The following IL1RAPL2 variants were observed in gnomAD, a reference collection of about 807,000 sequenced individuals.
IL1RAPL2 encodes X-linked interleukin-1 receptor accessory protein-like 2.
IL1RAPL2 carries 3 observed loss-of-function variants against 44.1 expected under a neutral mutation model. The ratio of observed to expected loss-of-function variants is 0.07; its 90% CI spans 0.03 to 0.18. IL1RAPL2 has a LOEUF of 0.18. IL1RAPL2 is among the 10% of genes least tolerant of loss of function. IL1RAPL2 has a pLI of 1.00. For synonymous variants in IL1RAPL2, 181 were observed against 178.8 expected (o/e 1.01, Z -0.10); for missense variants, 391 against 496.4 (o/e 0.79, Z 2.02).
In IL1RAPL2 at chrX:105,352,276, C is replaced by G. The variant is rs1032275348; in HGVS notation, c.697+84735C>G. ...TTTACAAATCCATGAAATCCAAAAT[C>G]TGAAAGCTACTCATTTCATAAATGA... On this transcript the variant is annotated intron_variant, in intron 5 of 10. Transcript: ENST00000372582. Among the ~76,000 whole-genome samples, 5 of 111,295 alleles carry G rather than the reference C, an allele frequency of 4.5e-5. No individual in the cohort carries two copies. In the Admixed American group the frequency reaches 4.8e-4, roughly 11 times the overall value.
At chrX:105,747,638 G>A (rs2038561283) in intron 8 of IL1RAPL2, among the ~76,000 whole-genome samples, 1 of 107,289 alleles carries the variant, frequency 9.3e-6, no homozygotes, top group South Asian at 4.2e-4. Context: ...TATTGAGCCT[G>A]GCTAATTTCT....
At chrX:105,042,469 A>G (rs1698844333) in intron 2 of IL1RAPL2, among the ~76,000 whole-genome samples, 2 of 109,332 alleles carry the variant, frequency 1.8e-5, no homozygotes, top group African/African-American at 3.3e-5. Context: ...CAAAAGACAC[A>G]TGAAAAAATG....
intron 2 of IL1RAPL2, among the ~76,000 whole-genome samples, chrX:105,062,267 A>G (rs2032083954): frequency 9.0e-6 from 1 of 111,502 alleles, no homozygotes; most frequent in Admixed American, 9.5e-5. Context: ...TTAAGCTGAT[A>G]AAAACTTAAT....
At position 105,560,245 on chromosome X, in the gene IL1RAPL2, G is replaced by A. The variant is rs1265371596; in HGVS notation, c.772+75858G>A. Among the ~76,000 whole-genome samples the A allele has an allele frequency of 2.7e-5, 3 of 111,029 alleles. No homozygotes were observed. In the East Asian group the frequency reaches 8.6e-4, roughly 32 times the overall value. ...GTGAAGACTCTGTTGTTCTGAGCTA[G>A]GCCAACTTAGAAGCTCAAATAAGAT... On this transcript the variant is annotated intron_variant, in intron 6 of 10. Coordinates refer to ENST00000372582, the MANE Select transcript of IL1RAPL2 (RefSeq NM_017416.2).
intron 2 of IL1RAPL2, among the ~76,000 whole-genome samples, chrX:104,678,216 A>G (rs1321894413): frequency 8.9e-6 from 1 of 112,597 alleles, no homozygotes; most frequent in Non-Finnish European, 1.9e-5. Flanking sequence ...TGAACAGCCA[A>G]AGTACCTTCC....
chrX:105,368,789 T>G (rs2147716209), intron 5 of IL1RAPL2, among the ~76,000 whole-genome samples: 1 of 111,106 alleles, frequency 9.0e-6, no homozygotes, highest in African/African-American at 3.3e-5. Flanking sequence ...TGTTCCTTTC[T>G]CTCCTCCTTC....
At chrX:105,557,318 A>T (rs1174278622) in intron 6 of IL1RAPL2, among the ~76,000 whole-genome samples, 1 of 111,761 alleles carries the variant, frequency 8.9e-6, no homozygotes, top group Admixed American at 9.5e-5. Context: ...GAATAACACA[A>T]TGTAATCCTA....
chrX:104,957,043 C>T, intron 2 of IL1RAPL2, among the ~76,000 whole-genome samples: 1 of 111,709 alleles, frequency 9.0e-6, no homozygotes, highest in Non-Finnish European at 1.9e-5. Flanking sequence ...TCCCTGAAGC[C>T]CTAAAGGGTT....
chrX:105,267,286 G>A (rs1243390687), intron 4 of IL1RAPL2, 102 bp from the exon 5 acceptor site: 5 of 734,647 alleles, frequency 6.8e-6, no homozygotes, highest in Non-Finnish European at 1.0e-5. Context: ...TTTTGAAAAC[G>A]AAAGAGAATA....
At chrX:105,539,831 A>G (rs1377969124) in intron 6 of IL1RAPL2, among the ~76,000 whole-genome samples, 2 of 111,972 alleles carry the variant, frequency 1.8e-5, no homozygotes, top group Non-Finnish European at 3.8e-5. Flanking sequence ...ACAAGCAAAA[A>G]ACAAAAAATC....
In IL1RAPL2 at chrX:104,986,911, C is replaced by T. The variant is rs184389508; in HGVS notation, c.83-208564C>T. On this transcript the variant is annotated intron_variant, in intron 2 of 10. Transcript: ENST00000372582. ...AATACATGGACCAATACTTACTCTT[C>T]TTATACTCCTGCTGTGGGGAATTTT... 5.3e-5 allele frequency among the ~76,000 whole-genome samples: 6 copies of T among 112,268 alleles called. No homozygotes were observed. In the Admixed American group the frequency reaches 5.7e-4, roughly 11 times the overall value.
intron 3 of IL1RAPL2, among the ~76,000 whole-genome samples, chrX:105,227,879 C>A (rs2034032810): frequency 9.0e-6 from 1 of 111,698 alleles, no homozygotes; most frequent in Admixed American, 9.5e-5. Flanking sequence ...ATGTAATTTA[C>A]CATCCTTACC....
chrX:105,252,948 T>G (rs982829255), intron 4 of IL1RAPL2, among the ~76,000 whole-genome samples: 1 of 109,477 alleles, frequency 9.1e-6, no homozygotes, highest in Non-Finnish European at 1.9e-5. Flanking sequence ...AACTTTTTTG[T>G]CTACTTCAAG....
intron 6 of IL1RAPL2, among the ~76,000 whole-genome samples, chrX:105,509,504 G>A (rs975896762): frequency 7.2e-5 from 8 of 111,787 alleles, no homozygotes; most frequent in South Asian, 7.4e-4. Flanking sequence ...AGCTTACCAC[G>A]AGTTAAAATG....
intron 1 of IL1RAPL2, among the ~76,000 whole-genome samples, chrX:104,585,319 AT>A (rs1569487945): frequency 4.2e-4 from 9 of 21,496 alleles, no homozygotes; most frequent in African/African-American, 2.2e-3. Flanking sequence ...TATAATATAT[AT>A]TATATATAAT....
chrX:105,613,900 CCTGGGAGAG>C (rs1359506204), intron 6 of IL1RAPL2, among the ~76,000 whole-genome samples: 1 of 111,157 alleles, frequency 9.0e-6, no homozygotes, highest in Non-Finnish European at 1.9e-5. Flanking sequence ...ATGCATGGGG[CCTGGGAGAG>C]CTTTGCCACC....
intron 3 of IL1RAPL2, chrX:105,219,296 A>G (rs1176339635): frequency 7.4e-6 from 9 of 1,210,666 alleles, no homozygotes; most frequent in Admixed American, 2.2e-5. Flanking sequence ...GAGTATGAGT[A>G]TGAGGCAGGG....
In IL1RAPL2 at chrX:105,767,112, G is replaced by T. The variant is rs190147399; in HGVS notation, c.1512G>T (p.Val504=). Reference sequence around the variant, plus strand: ...TGCTAGTCAGTGGAGAAATCAAAGTGATTTTGATTGAGTGTACAGAATTAA... The same window carrying T: ...TGCTAGTCAGTGGAGAAATCAAAGTTATTTTGATTGAGTGTACAGAATTAA... ...HNMLVSGEIK[V]ILIECTELKG... is the part of the protein sequence containing the mutation. The change falls in exon 11 of 11, where the codon GTG becomes GTT. Residue 504 remains valine (V), a synonymous_variant. Transcript: ENST00000372582. The T allele has an allele frequency of 3.3e-6, 4 of 1,208,206 alleles. No homozygotes were observed. The East Asian group carries it at 1.2e-4, about 36-fold the overall frequency.
At chrX:105,283,950 C>T (rs1208992353) in intron 5 of IL1RAPL2, among the ~76,000 whole-genome samples, 1 of 111,207 alleles carries the variant, frequency 9.0e-6, no homozygotes, top group Non-Finnish European at 1.9e-5. Flanking sequence ...TTTTTGAAAC[C>T]TCATCAAATT....
Sources: gnomAD v4.1 joint callset for allele counts (sites outside exome capture counted in the v4.1 genomes callset) on GRCh38, gnomAD v4.1.1 for gene constraint, MANE v1.5 for transcripts, NCBI Gene and HGNC (gene_info 2026-07-23, HGNC 2026-07-21) for gene names.